The following WASF1 variants were observed in gnomAD, a reference collection of about 807,000 sequenced individuals.
WASF1 encodes actin-binding protein WASF1.
Under a neutral mutation model 50.5 loss-of-function variants are expected in WASF1, and 7 were observed. The ratio of observed to expected loss-of-function variants is 0.14; its 90% CI spans 0.08 to 0.26. The LOEUF (loss-of-function observed/expected upper bound fraction) is 0.26, where lower values mean the gene tolerates loss of function less well. Ranked by LOEUF, WASF1 falls within the 10% of genes least tolerant of loss-of-function variation. WASF1 has a pLI of 1.00. For synonymous variants in WASF1, 205 were observed against 244.0 expected (o/e 0.84, Z 1.49); for missense variants, 470 against 694.7 (o/e 0.68, Z 3.64).
intron 2 of WASF1, among the ~76,000 whole-genome samples, chr6:110,171,296 A>G (rs374695732): frequency 1.4e-4 from 22 of 152,298 alleles, no homozygotes; most frequent in African/African-American, 4.8e-4. Context: ...GAAAATCTCA[A>G]AACATTTGGA....
intron 3 of WASF1, among the ~76,000 whole-genome samples, chr6:110,136,935 C>T (rs1393657658): frequency 1.3e-5 from 2 of 152,202 alleles, no homozygotes. Context: ...AATTTTCTCA[C>T]ATCAACCTCT....
chr6:110,159,400 C>CTT (rs1776168550), intron 3 of WASF1, among the ~76,000 whole-genome samples: 5 of 151,858 alleles, frequency 3.3e-5, no homozygotes, highest in Admixed American at 3.3e-4. Flanking sequence ...AGGGGATAAC[C>CTT]GTGTGACACT....
intron 5 of WASF1, among the ~76,000 whole-genome samples, chr6:110,111,893 T>G (rs752686337): frequency 6.6e-6 from 1 of 152,104 alleles, no homozygotes; most frequent in Non-Finnish European, 1.5e-5. Flanking sequence ...AAACACTGAA[T>G]TGTACACTTC....
At chr6:110,112,355 C>T (rs992697965) in intron 5 of WASF1, among the ~76,000 whole-genome samples, 11 of 151,802 alleles carry the variant, frequency 7.2e-5, no homozygotes, top group African/African-American at 2.4e-4. Flanking sequence ...TTTTGTGAAA[C>T]AAACAAAAAG....
intron 5 of WASF1, among the ~76,000 whole-genome samples, chr6:110,111,574 C>T (rs1406182875): frequency 6.6e-6 from 1 of 152,200 alleles, no homozygotes; most frequent in Non-Finnish European, 1.5e-5. Context: ...ACATACTCAA[C>T]ATCATTAGCC....
chr6:110,123,246 A>G (rs1049716813), intron 4 of WASF1, among the ~76,000 whole-genome samples: 1 of 151,862 alleles, frequency 6.6e-6, no homozygotes, highest in Non-Finnish European at 1.5e-5. Context: ...AGATTCATCA[A>G]AGACCTAGAA....
intron 3 of WASF1, among the ~76,000 whole-genome samples, chr6:110,144,249 CATAA>C (rs1294347907): frequency 6.6e-6 from 1 of 152,166 alleles, no homozygotes; most frequent in African/African-American, 2.4e-5. Context: ...TTCTTGATGG[CATAA>C]ATGTCTTCTT....
At chr6:110,162,608 AC>A (rs1020335446) in intron 2 of WASF1, among the ~76,000 whole-genome samples, 26 of 151,504 alleles carry the variant, frequency 1.7e-4, no homozygotes, top group African/African-American at 6.0e-4. Flanking sequence ...GGTTCTACAT[AC>A]AAAAATCAAT....
chr6:110,100,394 T>C lies in WASF1; in HGVS notation c.*128A>G, dbSNP rs929291933. On this transcript the variant is annotated 3_prime_UTR_variant, in exon 11 of 11. Coordinates refer to ENST00000392589, the MANE Select transcript of WASF1 (RefSeq NM_003931.3). ...TATTTTCCTTAGAAATCAAAAGTTATGGAGGAAAAGGGTCATTTATTATAA... is the reference window on the plus strand; with the variant it reads ...TATTTTCCTTAGAAATCAAAAGTTACGGAGGAAAAGGGTCATTTATTATAA... 3 of 866,554 alleles carry C rather than the reference T, an allele frequency of 3.5e-6. No individual in the cohort carries two copies. Among genetic ancestry groups the C allele is most frequent in the Non-Finnish European group, 3.3e-6 (2 of 608,558 alleles). The allele number at this position is 866,554 out of a possible 1,614,324, so 53.7% of individuals were successfully genotyped here. A position where few individuals can be genotyped will look rare whatever the true frequency, so the allele number is the denominator to read the frequency against.
At chr6:110,119,329 T>C (rs562583999) in intron 4 of WASF1, among the ~76,000 whole-genome samples, 2 of 151,976 alleles carry the variant, frequency 1.3e-5, no homozygotes, top group African/African-American at 4.8e-5. Context: ...AAGAATCAAA[T>C]AGACACAATA....
intron 3 of WASF1, among the ~76,000 whole-genome samples, chr6:110,137,423 C>T (rs970760695): frequency 6.6e-6 from 1 of 152,172 alleles, no homozygotes; most frequent in African/African-American, 2.4e-5. Flanking sequence ...TCCTCTCTCA[C>T]TTGGTTAGAC....
At chr6:110,122,956 G>GA (rs893258323) in intron 4 of WASF1, among the ~76,000 whole-genome samples, 1 of 149,236 alleles carries the variant, frequency 6.7e-6, no homozygotes, top group Admixed American at 6.7e-5. Context: ...ACAAAGTGGG[G>GA]AAAAAAAAAG....
At chr6:110,155,052 C>T (rs1025041232) in intron 3 of WASF1, among the ~76,000 whole-genome samples, 2 of 152,036 alleles carry the variant, frequency 1.3e-5, no homozygotes, top group Admixed American at 6.6e-5. Context: ...TGGAAGACTT[C>T]CAGCTAGGGC....
intron 3 of WASF1, among the ~76,000 whole-genome samples, chr6:110,154,167 C>A (rs1165085808): frequency 6.6e-6 from 1 of 152,112 alleles, no homozygotes; most frequent in Non-Finnish European, 1.5e-5. Flanking sequence ...AGACTTAAGT[C>A]TCTTTTCTCT....
chr6:110,162,407 A>G (rs1776295245), intron 2 of WASF1, among the ~76,000 whole-genome samples: 1 of 150,738 alleles, frequency 6.6e-6, no homozygotes, highest in Non-Finnish European at 1.5e-5. Context: ...TATAAGGTTA[A>G]CATTACCCTA....
intron 3 of WASF1, among the ~76,000 whole-genome samples, chr6:110,149,368 T>G (rs77657383): frequency 1.3e-3 from 202 of 151,536 alleles, no homozygotes; most frequent in Middle Eastern, 6.8e-3. Flanking sequence ...ACTTCTAGAA[T>G]AGAGAGCCAG....
intron 2 of WASF1, among the ~76,000 whole-genome samples, chr6:110,164,778 T>C (rs1467326932): frequency 6.6e-6 from 1 of 151,610 alleles, no homozygotes. Flanking sequence ...TCATAACTGC[T>C]GAAACTTGGA....
At chr6:110,101,283 C>T (rs1295391989) in intron 10 of WASF1, among the ~76,000 whole-genome samples, 3 of 152,040 alleles carry the variant, frequency 2.0e-5, no homozygotes, top group Admixed American at 6.6e-5. Flanking sequence ...ACACATTAAG[C>T]ATAATATAAA....
intron 5 of WASF1, among the ~76,000 whole-genome samples, chr6:110,112,275 T>C (rs1489866772): frequency 2.0e-5 from 3 of 151,988 alleles, no homozygotes; most frequent in African/African-American, 7.3e-5. Flanking sequence ...TTGAAGAGAG[T>C]GTAAGAAATT....
Sources: allele counts gnomAD v4.1 joint callset (sites outside exome capture counted in the v4.1 genomes callset), GRCh38; gene constraint gnomAD v4.1.1; transcripts MANE v1.5; gene names NCBI Gene and HGNC (gene_info 2026-07-23, HGNC 2026-07-21).